Variants in CNKSR2 observed in about 807,000 individuals in gnomAD.
The protein encoded by CNKSR2 is connector enhancer of kinase suppressor of Ras 2, also known as CNK homolog protein 2.
Under a neutral mutation model 84.4 loss-of-function variants are expected in CNKSR2, and 14 were observed. That is an observed-to-expected ratio of 0.17 (90% CI 0.11 to 0.26). The LOEUF (loss-of-function observed/expected upper bound fraction) is 0.26. CNKSR2 is among the 10% of genes least tolerant of loss of function. CNKSR2 has a pLI of 1.00. For synonymous variants in CNKSR2, 275 were observed against 277.9 expected (o/e 0.99, Z 0.10); for missense variants, 485 against 771.2 (o/e 0.63, Z 4.40).
intron 16 of CNKSR2, 108 bp downstream of exon 16, chrX:21,595,155 A>G: frequency 1.4e-6 from 1 of 715,802 alleles, no homozygotes; most frequent in Non-Finnish European, 2.1e-6. Flanking sequence ...GTAATAAGAA[A>G]GCAGTTTTGT....
rs2092536640 is a variant in CNKSR2 at position 21,609,316 on chromosome X, C to T, written c.2391C>T (p.Ser797=). The stretch of plus-strand genomic sequence containing the variant: ...TGGAGGATTCTGTCTTCTCTGACTC[C>T]GCGGCCATCTCCCCAGAGCACAGGC... ...LPLEDSVFSD[S]AAISPEHRRQ... is the part of the protein sequence containing the mutation. The change falls in exon 20 of 22, where the codon TCC becomes TCT. Residue 797 remains serine (S), a synonymous_variant. Coordinates refer to ENST00000379510, the MANE Select transcript of CNKSR2 (RefSeq NM_014927.5). 8.3e-7 allele frequency: 1 copy of T among 1,211,495 alleles called. No homozygotes were observed. Among genetic ancestry groups the T allele is most frequent in the Non-Finnish European group, 1.1e-6 (1 of 895,371 alleles).
chrX:21,549,545 A>G (rs1363801775), intron 11 of CNKSR2, among the ~76,000 whole-genome samples: 2 of 112,146 alleles, frequency 1.8e-5, no homozygotes, highest in Admixed American at 9.4e-5. Context: ...GACTTTCTTC[A>G]CAGAATTAGA....
Position 21,472,275 on chromosome X carries a change from AGTAT to A in CNKSR2, c.561+1469_561+1472del, listed in dbSNP as rs1402212146. Reference sequence around the variant, plus strand: ...CTATGACAATGACTGTTCTTTCTGAAGTATTGAATTTACTGAATTCGACTTTGGT... The same window carrying A: ...CTATGACAATGACTGTTCTTTCTGAATGAATTTACTGAATTCGACTTTGGT... On this transcript the variant is annotated intron_variant, in intron 5 of 21. Coordinates refer to ENST00000379510, the MANE Select transcript of CNKSR2 (RefSeq NM_014927.5). Among the ~76,000 whole-genome samples the A allele has an allele frequency of 1.9e-4, 21 of 112,082 alleles. No individual in the cohort carries two copies. The Admixed American group carries it at 2.0e-3, about 11-fold the overall frequency.
chrX:21,442,360 A>G (rs1355407690), intron 4 of CNKSR2, among the ~76,000 whole-genome samples: 2 of 111,608 alleles, frequency 1.8e-5, no homozygotes. Flanking sequence ...GAACAATGAG[A>G]CAGGTACCCA....
chrX:21,403,359 C>T (rs1272042015), intron 1 of CNKSR2, among the ~76,000 whole-genome samples: 1 of 111,511 alleles, frequency 9.0e-6, no homozygotes, highest in Non-Finnish European at 1.9e-5. Context: ...AGACTCACTC[C>T]TAATTACCAT....
intron 7 of CNKSR2, among the ~76,000 whole-genome samples, chrX:21,498,540 T>A (rs2091526031): frequency 8.9e-6 from 1 of 112,002 alleles, no homozygotes; most frequent in African/African-American, 3.2e-5. Context: ...ACATTTAACC[T>A]CTCATTGCTT....
intron 5 of CNKSR2, among the ~76,000 whole-genome samples, chrX:21,485,472 C>A (rs1054517399): frequency 9.1e-6 from 1 of 109,774 alleles, no homozygotes; most frequent in Non-Finnish European, 1.9e-5. Flanking sequence ...TGTGTGTGTG[C>A]GTGTATGTGC....
intron 1 of CNKSR2, among the ~76,000 whole-genome samples, chrX:21,399,808 A>G (rs968290408): frequency 7.1e-5 from 8 of 111,897 alleles, no homozygotes; most frequent in African/African-American, 1.9e-4. Context: ...TTTGAAGCCA[A>G]ATACACCTAT....
chrX:21,525,809 A>C (rs746285467), intron 9 of CNKSR2, among the ~76,000 whole-genome samples: 2 of 111,497 alleles, frequency 1.8e-5, no homozygotes, highest in South Asian at 7.4e-4. Context: ...GAGAGTTTTC[A>C]TACTGGCTAA....
At chrX:21,382,847 A>G (rs2089917905) in intron 1 of CNKSR2, among the ~76,000 whole-genome samples, 1 of 111,991 alleles carries the variant, frequency 8.9e-6, no homozygotes, top group South Asian at 3.7e-4. Flanking sequence ...TAAAAACTAG[A>G]TGTAAGTTTA....
intron 1 of CNKSR2, chrX:21,421,898 A>T (rs2090502341): frequency 9.1e-6 from 1 of 109,841 alleles, no homozygotes; most frequent in African/African-American, 3.3e-5. Context: ...ACCTTGCTCC[A>T]CTCTACTGCA....
rs546570510 is a variant in CNKSR2, at chrX:21,503,196, T to G, written c.810+1608T>G. On this transcript the variant is annotated intron_variant, in intron 8 of 21. Transcript: ENST00000379510. ...AACTAATAAAATCTATGTGGATTGGTGACATTTAAATACACCTAGAATGTG... is the reference window on the plus strand; with the variant it reads ...AACTAATAAAATCTATGTGGATTGGGGACATTTAAATACACCTAGAATGTG... 3.0e-3 allele frequency: 879 copies of G among 290,764 alleles called. 2 individuals are homozygous for G. Among genetic ancestry groups the G allele is most frequent in the Non-Finnish European group, 3.4e-3 (563 of 166,367 alleles). 24.0% of individuals were successfully genotyped at this position (290,764 alleles called of 1,213,427 possible).
intron 4 of CNKSR2, among the ~76,000 whole-genome samples, chrX:21,443,161 GTAAAA>G (rs1284708262): frequency 9.0e-6 from 1 of 111,063 alleles, no homozygotes; most frequent in African/African-American, 3.3e-5. Context: ...GTTAAAAAAA[GTAAAA>G]TAAAATAAAA....
intron 11 of CNKSR2, among the ~76,000 whole-genome samples, chrX:21,546,364 GATT>G (rs1290074750): frequency 5.5e-5 from 6 of 109,145 alleles, no homozygotes; most frequent in African/African-American, 2.0e-4. Flanking sequence ...GTGAAGACAA[GATT>G]AGAGACAAAA....
At chrX:21,390,831 C>T (rs2090039245) in intron 1 of CNKSR2, among the ~76,000 whole-genome samples, 1 of 112,019 alleles carries the variant, frequency 8.9e-6, no homozygotes, top group Non-Finnish European at 1.9e-5. Flanking sequence ...AAGTTTCTTC[C>T]ATCTATGACA....
chrX:21,480,328 A>G (rs765463692), intron 5 of CNKSR2, among the ~76,000 whole-genome samples: 5 of 112,117 alleles, frequency 4.5e-5, no homozygotes, highest in African/African-American at 1.6e-4. Context: ...GTGTATATAT[A>G]TAGTGCCTTA....
chrX:21,449,047 G>C (rs1172759626), intron 4 of CNKSR2, among the ~76,000 whole-genome samples: 1 of 111,715 alleles, frequency 9.0e-6, no homozygotes, highest in African/African-American at 3.3e-5. Flanking sequence ...GCTCATGCCT[G>C]TAATCCCAGC....
chrX:21,478,942 T>C (rs931649462), intron 5 of CNKSR2, among the ~76,000 whole-genome samples: 7 of 111,554 alleles, frequency 6.3e-5, no homozygotes, highest in African/African-American at 1.3e-4. Flanking sequence ...CAGGCACATA[T>C]TCAGTTTTGA....
At chrX:21,471,177 A>G (rs982663442) in intron 5 of CNKSR2, among the ~76,000 whole-genome samples, 3 of 112,018 alleles carry the variant, frequency 2.7e-5, no homozygotes, top group Admixed American at 9.5e-5. Flanking sequence ...CATCATTTGG[A>G]TGAAATACTT....
Sources: allele counts gnomAD v4.1 joint callset (sites outside exome capture counted in the v4.1 genomes callset), GRCh38; gene constraint gnomAD v4.1.1; transcripts MANE v1.5; gene names NCBI Gene and HGNC (gene_info 2026-07-23, HGNC 2026-07-21).